Variants in ACAN observed in about 807,000 individuals in gnomAD.
The protein encoded by ACAN is aggrecan core protein.
A neutral mutation model predicts 169.1 loss-of-function variants in ACAN; 47 were observed. The ratio of observed to expected loss-of-function variants is 0.28; its 90% CI spans 0.22 to 0.35. The LOEUF (loss-of-function observed/expected upper bound fraction) is 0.35, where lower values mean the gene tolerates loss of function less well. Among genes scored for constraint, ACAN ranks in the 10% least tolerant of loss-of-function variants. The pLI, the probability that ACAN is intolerant of heterozygous loss-of-function variation, is 1.00. For synonymous variants in ACAN, 1,115 were observed against 1,112.2 expected, an observed-to-expected ratio of 1.00 and a Z score of -0.05; for missense variants, 2,716 against 2,759.9, an observed-to-expected ratio of 0.98 and a Z score of 0.36.
rs1413724932 is a variant in ACAN, at chr15:88,847,290, T to C, written c.1477T>C (p.Phe493Leu). 1.9e-6 allele frequency: 3 copies of C among 1,572,384 alleles called. No homozygotes were observed. The highest frequency in any genetic ancestry group is 2.3e-5 in the East Asian group (1 of 42,598). ...RPGPTRYSLT[F>L]EEAQQACLRT... Reference sequence around the variant, plus strand: ...GGGACCCACCCGCTACTCGCTGACCTTTGAGGAGGCACAGCAGGCCTGCCT... The same window carrying C: ...GGGACCCACCCGCTACTCGCTGACCCTTGAGGAGGCACAGCAGGCCTGCCT... The change falls in exon 8 of 19, where the codon TTT (phenylalanine) becomes CTT (leucine). Residue 493 changes from phenylalanine (F) to leucine (L), a missense_variant. Transcript: ENST00000560601.
Position 88,849,287 on chromosome 15 carries a change from C to A in ACAN, c.1733-151C>A. 4 of 745,708 alleles carry A rather than the reference C, an allele frequency of 5.4e-6. No individual in the cohort carries two copies. The highest frequency in any genetic ancestry group is 3.9e-4 in the Middle Eastern group (1 of 2,558). The allele number at this position is 745,708 out of a possible 1,614,324, so 46.2% of individuals were successfully genotyped here. On this transcript the variant is annotated intron_variant, in intron 9 of 18. Transcript: ENST00000560601. This position sits in a 1 kb window ranked among gnomAD's most constrained non-coding sequence, Gnocchi z 5.1. ...CCTATTTCCCAGGGTCCCAGAAAAT[C>A]TAAGGGGGAGTGGTCAAAAAAGGGG...
rs541093536 is a variant in ACAN at position 88,874,665 on chromosome 15, G to A, written c.*184G>A. On this transcript the variant is annotated 3_prime_UTR_variant, in exon 19 of 19. Transcript: ENST00000560601. This position sits in a 1 kb window ranked among gnomAD's most constrained non-coding sequence, Gnocchi z 7.3. ...CTCACCCCTCCAAATCAGCAAAACC[G>A]CATCTAATTTGTCCGCCGAATGCCA... is the stretch of plus-strand genomic sequence containing the variant. The A allele has an allele frequency of 1.7e-4, 119 of 693,282 alleles. 1 individual carries two copies. The highest frequency in any genetic ancestry group is 1.6e-3 in the South Asian group (108 of 66,688). 42.9% of individuals were successfully genotyped at this position (693,282 alleles called of 1,614,324 possible). A position where few individuals can be genotyped will look rare whatever the true frequency, so the allele number is the denominator to read the frequency against.
Position 88,872,069 on chromosome 15 carries a change from C to T in ACAN, c.7286C>T (p.Ser2429Leu). The T allele has an allele frequency of 6.2e-7, 1 of 1,613,808 alleles. No individual in the cohort carries two copies. The highest frequency in any genetic ancestry group is 8.5e-7 in the Non-Finnish European group (1 of 1,179,842). Residue 2429 changes from serine (S) to leucine (L), a missense_variant, in exon 16 of 19, where the codon TCA becomes TTA. By Grantham distance (145) the Ser-to-Leu change is moderately radical. Coordinates refer to ENST00000560601, the MANE Select transcript of ACAN (RefSeq NM_001369268.1). This position sits in a 1 kb window ranked among gnomAD's most constrained non-coding sequence, Gnocchi z 5.4. Reference protein sequence around the residue: ...DRTIEGDFRWSDGHPMQFENW... With the variant: ...DRTIEGDFRWLDGHPMQFENW... ...ACCATCGAAGGGGACTTCCGCTGGTCAGATGGACACCCCATGGTGAGTTCT... is the reference window on the plus strand; with the variant it reads ...ACCATCGAAGGGGACTTCCGCTGGTTAGATGGACACCCCATGGTGAGTTCT...
chr15:88,820,777 T>C (rs1459676004), intron 1 of ACAN, among the ~76,000 whole-genome samples: 3 of 152,176 alleles, frequency 2.0e-5, no homozygotes, highest in Non-Finnish European at 4.4e-5. Context: ...GGAATTTTTT[T>C]TGAGATAAGG....
chr15:88,845,409 A>G, intron 6 of ACAN, 96 bp from the exon 7 acceptor site: 1 of 1,484,842 alleles, frequency 6.7e-7, no homozygotes, highest in South Asian at 1.4e-5. Flanking sequence ...CCAGCAGGGA[A>G]GGAGGGGGAG....
At position 88,869,075 on chromosome 15, in the gene ACAN, G is replaced by T. The variant is rs770675399; in HGVS notation, c.7060+746G>T. On this transcript the variant is annotated intron_variant, in intron 14 of 18. Transcript: ENST00000560601. This position sits in a 1 kb window ranked among gnomAD's most constrained non-coding sequence, Gnocchi z 4.2. ...TTCTGCACCACTTCTACCAAAAGGAGCTGTGCACCAGGAACCCTCCCAGGG... is the reference window on the plus strand; with the variant it reads ...TTCTGCACCACTTCTACCAAAAGGATCTGTGCACCAGGAACCCTCCCAGGG... Among the ~76,000 whole-genome samples the T allele has an allele frequency of 6.6e-6, 1 of 152,184 alleles. No homozygotes were observed. The highest frequency in any genetic ancestry group is 1.5e-5 in the Non-Finnish European group (1 of 68,042).
At chr15:88,815,030 G>GAAA (rs11300352) in intron 1 of ACAN, among the ~76,000 whole-genome samples, 1 of 120,254 alleles carries the variant, frequency 8.3e-6, no homozygotes, top group Non-Finnish European at 1.8e-5. Flanking sequence ...GTGGACCCCA[G>GAAA]AAAAAAAAAA....
chr15:88,838,705 C>T lies in ACAN; in HGVS notation c.113C>T (p.Pro38Leu), dbSNP rs548534627. ...AGTGTCAGCATCCCCCAACCGTCCC[C>T]GCTGAGGGTCCTCCTGGGGACCTCC... ...SLSVSIPQPS[P>L]LRVLLGTSLT... The change falls in exon 3 of 19, where the codon CCG (proline) becomes CTG (leucine). Residue 38 changes from proline (P) to leucine (L), a missense_variant. Physicochemically the swap from Pro to Leu is moderately conservative, Grantham distance 98 (BLOSUM62 -3). This residue lies in a region of ACAN where 1,283 missense variants were observed against 1,281.5 expected (regional missense o/e 1.00). Coordinates refer to ENST00000560601, the MANE Select transcript of ACAN (RefSeq NM_001369268.1). The surrounding 1 kb of genome is among the most constrained non-coding windows in gnomAD (Gnocchi z 5.1). 531 of 1,606,428 alleles carry T rather than the reference C, an allele frequency of 3.3e-4. 6 individuals carry two copies. In the South Asian group the frequency reaches 5.3e-3, roughly 16 times the overall value.
At chr15:88,852,171 GC>G in intron 11 of ACAN, 138 bp downstream of exon 11, 1 of 1,317,944 alleles carries the variant, frequency 7.6e-7, no homozygotes, top group Non-Finnish European at 1.0e-6. Flanking sequence ...TGGGTGTTCT[GC>G]TATGGGCAAC....
intron 1 of ACAN, among the ~76,000 whole-genome samples, chr15:88,823,654 A>T (rs1008284594): frequency 5.9e-5 from 9 of 152,280 alleles, no homozygotes; most frequent in East Asian, 1.9e-4. Flanking sequence ...CCACGGCTGC[A>T]GCCACCCCAT....
chr15:88,839,031 G>A lies in ACAN; in HGVS notation c.439G>A (p.Glu147Lys). ...CATCGAGGACAGCGAGGCCACCCTGGAAGTCGTGGTGAAAGGTGAGAGCCT... is the reference window on the plus strand; with the variant it reads ...CATCGAGGACAGCGAGGCCACCCTGAAAGTCGTGGTGAAAGGTGAGAGCCT... ...HGIEDSEATL[E>K]VVVKGIVFHY... The change falls in exon 3 of 19, where the codon GAA (glutamate) becomes AAA (lysine). Residue 147 changes from glutamate (E) to lysine (K), a missense_variant. Transcript: ENST00000560601. The surrounding 1 kb of genome is among the most constrained non-coding windows in gnomAD (Gnocchi z 4.5). 1 of 1,603,758 alleles carries A rather than the reference G, an allele frequency of 6.2e-7. No individual in the cohort carries two copies.
intron 1 of ACAN, among the ~76,000 whole-genome samples, chr15:88,812,084 G>A (rs1406233687): frequency 6.6e-6 from 1 of 152,206 alleles, no homozygotes; most frequent in Non-Finnish European, 1.5e-5. Flanking sequence ...AGGGTTAGGA[G>A]TGGGGATGGC....
At chr15:88,846,542 C>G (rs1172839355) in intron 7 of ACAN, among the ~76,000 whole-genome samples, 2 of 152,154 alleles carry the variant, frequency 1.3e-5, no homozygotes. Context: ...ACAATCACAG[C>G]GAGGTTGAAT....
Position 88,868,654 on chromosome 15 carries a change from G to T in ACAN, c.7060+325G>T, listed in dbSNP as rs57430075. The stretch of plus-strand genomic sequence containing the variant: ...ATTCTGAGCACTTGTCTTGAAGGAA[G>T]CTATGGGGTGGGAGTAATTGGTTCT... On this transcript the variant is annotated intron_variant, in intron 14 of 18. Transcript: ENST00000560601. This position sits in a 1 kb window ranked among gnomAD's most constrained non-coding sequence, Gnocchi z 5.2. Among the ~76,000 whole-genome samples, 366 of 152,340 alleles carry T rather than the reference G, an allele frequency of 2.4e-3. 1 individual carries two copies. Among genetic ancestry groups the T allele is most frequent in the African/African-American group, 8.2e-3 (343 of 41,582 alleles).
At position 88,851,838 on chromosome 15, in the gene ACAN, C is replaced by G; in HGVS notation, c.2071C>G (p.Pro691Ala). The G allele has an allele frequency of 6.2e-7, 1 of 1,610,154 alleles. No individual in the cohort carries two copies. Among genetic ancestry groups the G allele is most frequent in the Non-Finnish European group, 8.5e-7 (1 of 1,178,244 alleles). ...PSPGEEEGGT[P>A]TSPSGVEEWI... is the part of the protein sequence containing the mutation. The stretch of plus-strand genomic sequence containing the variant: ...TCCAGGAGAAGAAGAGGGTGGCACA[C>G]CCACATCACCCTCTGGTGTGGAGGA... The change falls in exon 11 of 19, where the codon CCC becomes GCC. Residue 691 changes from proline to alanine, a missense_variant. Pro to Ala is a conservative substitution (Grantham distance 27, BLOSUM62 -1). Around this residue, in one of 3 missense-constraint regions of ACAN, gnomAD observed 1,283 missense variants for 1,281.5 expected, o/e 1.00. Transcript: ENST00000560601. This position sits in a 1 kb window ranked among gnomAD's most constrained non-coding sequence, Gnocchi z 4.3.
rs1010055869 is a variant in ACAN, at chr15:88,868,319, G to A, written c.7050G>A (p.Leu2350=). Residue 2350 remains leucine (L), a synonymous_variant, in exon 14 of 19, where the codon CTG becomes CTA. Transcript: ENST00000560601. The surrounding 1 kb of genome is among the most constrained non-coding windows in gnomAD (Gnocchi z 5.2). ...GCCTTCCCAGCTACGAAGGGGACCT[G>A]TGTGAGATTGGTACGGCCGTCTTGG... ...CLCLPSYEGD[L]CEIDQEVCEE... is the part of the protein sequence containing the mutation. 15 of 702,696 alleles carry A rather than the reference G, an allele frequency of 2.1e-5. No homozygotes were observed. The African/African-American group carries it at 2.6e-4, about 12-fold the overall frequency. The allele number at this position is 702,696 out of a possible 1,614,324, so 43.5% of individuals were successfully genotyped here. A position where few individuals can be genotyped will look rare whatever the true frequency, so the allele number is the denominator to read the frequency against.
chr15:88,872,900 C>G lies in ACAN; in HGVS notation c.7322C>G (p.Pro2441Arg), dbSNP rs767230096. The G allele has an allele frequency of 6.2e-7, 1 of 1,613,738 alleles. No homozygotes were observed. Among genetic ancestry groups the G allele is most frequent in the Non-Finnish European group, 8.5e-7 (1 of 1,179,896 alleles). The change falls in exon 17 of 19, where the codon CCC becomes CGC. Residue 2441 changes from proline to arginine, a missense_variant. Pro to Arg is a moderately radical substitution (Grantham distance 103). Around this residue, in one of 3 missense-constraint regions of ACAN, gnomAD observed 1,389 missense variants for 1,363.7 expected, o/e 1.02. Transcript: ENST00000560601. The surrounding 1 kb of genome is among the most constrained non-coding windows in gnomAD (Gnocchi z 5.4). ...GHPMQFENWR[P>R]NQPDNFFAAG... is the part of the protein sequence containing the mutation. ...CCACAGCAATTTGAGAACTGGCGCCCCAACCAGCCTGACAACTTTTTTGCC... is the reference window on the plus strand; with the variant it reads ...CCACAGCAATTTGAGAACTGGCGCCGCAACCAGCCTGACAACTTTTTTGCC...
At chr15:88,808,653 A>G (rs905602960) in intron 1 of ACAN, among the ~76,000 whole-genome samples, 1 of 152,146 alleles carries the variant, frequency 6.6e-6, no homozygotes, top group Non-Finnish European at 1.5e-5. Flanking sequence ...CGTCTCATGG[A>G]TAGAGCCAGG....
In ACAN at chr15:88,860,437, T is replaced by A. The variant is rs1288718134; in HGVS notation, c.6944T>A (p.Ile2315Lys). Residue 2315 changes from isoleucine (I) to lysine (K), a missense_variant and splice_region_variant, in exon 13 of 19, where the codon ATA (isoleucine) becomes AAA (lysine). By Grantham distance (102) the Ile-to-Lys change is moderately radical. Transcript: ENST00000560601. ...GGCTACACTGGCGAGCACTGTAACA[T>A]AGGTAAGGCCCTCATTGGCCGTGGA... ...PPGYTGEHCN[I>K]DIDECLSSPC... is the part of the protein sequence containing the mutation. 2 of 1,612,002 alleles carry A rather than the reference T, an allele frequency of 1.2e-6. No individual in the cohort carries two copies. Among genetic ancestry groups the A allele is most frequent in the African/African-American group, 1.3e-5 (1 of 74,828 alleles).
Sources: gnomAD v4.1 joint callset for allele counts (sites outside exome capture counted in the v4.1 genomes callset) on GRCh38, gnomAD v4.1.1 for gene constraint, gnomAD v4.1.1 regional missense constraint, Gnocchi (gnomAD v3.1) non-coding constraint, MANE v1.5 for transcripts, NCBI Gene and HGNC (gene_info 2026-07-23, HGNC 2026-07-21) for gene names.